The following NFIA variants were observed in gnomAD, a reference collection of about 807,000 sequenced individuals.
NFIA encodes the protein nuclear factor 1 A-type.
NFIA carries 8 observed loss-of-function variants against 62.8 expected under a neutral mutation model. The ratio of observed to expected loss-of-function variants is 0.13; its 90% CI spans 0.07 to 0.23. NFIA has a LOEUF of 0.23. NFIA is among the 10% of genes least tolerant of loss of function. The pLI is 1.00. For missense variants in NFIA, 410 were observed against 642.1 expected, an observed-to-expected ratio of 0.64 and a Z score of 3.91; for synonymous variants, 235 against 238.1, an observed-to-expected ratio of 0.99 and a Z score of 0.12.
At chr1:61,285,375 T>G (rs1346222535) in intron 3 of NFIA, among the ~76,000 whole-genome samples, 3 of 152,212 alleles carry the variant, frequency 2.0e-5, no homozygotes, top group African/African-American at 7.2e-5. Flanking sequence ...AATGTGAATT[T>G]GTTGTTTTTA....
chr1:61,234,837 A>G (rs1654893894), intron 2 of NFIA, among the ~76,000 whole-genome samples: 1 of 152,298 alleles, frequency 6.6e-6, no homozygotes, highest in Middle Eastern at 3.4e-3. Context: ...AATTAAAAAT[A>G]CAGTTTATGT....
intron 3 of NFIA, among the ~76,000 whole-genome samples, chr1:61,297,534 A>C (rs75404365): frequency 2.0e-5 from 3 of 152,348 alleles, no homozygotes; most frequent in African/African-American, 7.2e-5. Flanking sequence ...TCCTTTGAGA[A>C]TAGTCCTTTC....
chr1:61,296,009 C>A (rs995444597), intron 3 of NFIA, among the ~76,000 whole-genome samples: 6 of 152,214 alleles, frequency 3.9e-5, no homozygotes, highest in Non-Finnish European at 8.8e-5. Flanking sequence ...ACATTCAGCA[C>A]ACCAGTGCAC....
intron 2 of NFIA, among the ~76,000 whole-genome samples, chr1:61,219,898 G>T (rs895932148): frequency 1.3e-5 from 2 of 152,148 alleles, no homozygotes; most frequent in East Asian, 3.9e-4. Context: ...GGGAGGCAGA[G>T]GTTGCAGTGA....
chr1:61,345,693 C>G (rs1662192853), intron 4 of NFIA, among the ~76,000 whole-genome samples: 1 of 152,150 alleles, frequency 6.6e-6, no homozygotes, highest in Non-Finnish European at 1.5e-5. Flanking sequence ...TGCGAAGGAC[C>G]TGGGTTGCAG....
intron 2 of NFIA, among the ~76,000 whole-genome samples, chr1:61,228,646 T>G (rs558051009): frequency 5.9e-5 from 9 of 152,278 alleles, no homozygotes; most frequent in African/African-American, 1.7e-4. Context: ...ATTCATTTTG[T>G]TTTTTTCTGG....
At chr1:61,362,663 A>C (rs1243455451) in intron 6 of NFIA, among the ~76,000 whole-genome samples, 2 of 152,196 alleles carry the variant, frequency 1.3e-5, no homozygotes, top group Admixed American at 6.5e-5. Flanking sequence ...CACAGCTCTT[A>C]TTATCTGGGA....
chr1:61,190,973 C>G (rs146820006), intron 2 of NFIA, among the ~76,000 whole-genome samples: 194 of 151,598 alleles, frequency 1.3e-3, no homozygotes, highest in Admixed American at 3.1e-3. Flanking sequence ...TTTCCAAGAC[C>G]AGACATGGGT....
At chr1:61,196,949 G>A (rs917953812) in intron 2 of NFIA, among the ~76,000 whole-genome samples, 8 of 150,394 alleles carry the variant, frequency 5.3e-5, no homozygotes, top group East Asian at 3.9e-4. Context: ...GTGCGCGCGC[G>A]CGCTGTGTGT....
chr1:61,355,808 C>G (rs2103882), intron 5 of NFIA, among the ~76,000 whole-genome samples: 133,040 of 152,176 alleles, frequency 0.87, 58,181 homozygotes, highest in East Asian at 0.94. Flanking sequence ...GGTGGTCTCT[C>G]AACTCCTGGC....
At chr1:61,322,486 G>T (rs1277064587) in intron 3 of NFIA, among the ~76,000 whole-genome samples, 1 of 152,084 alleles carries the variant, frequency 6.6e-6, no homozygotes, top group Non-Finnish European at 1.5e-5. Flanking sequence ...GTGCCTGCAT[G>T]GTAGAAAGTG....
intron 10 of NFIA, among the ~76,000 whole-genome samples, chr1:61,443,219 C>A (rs181621962): frequency 1.7e-4 from 26 of 152,240 alleles, no homozygotes; most frequent in African/African-American, 6.0e-4. Context: ...TTTCTGTCTT[C>A]CGCCAGACAG....
At chr1:61,237,996 T>C (rs1655106635) in intron 2 of NFIA, among the ~76,000 whole-genome samples, 1 of 152,232 alleles carries the variant, frequency 6.6e-6, no homozygotes, top group South Asian at 2.1e-4. Context: ...CTAATAATTC[T>C]TTGTATGTAC....
At chr1:61,097,043 T>C (rs1012512428) in intron 2 of NFIA, among the ~76,000 whole-genome samples, 2 of 152,180 alleles carry the variant, frequency 1.3e-5, no homozygotes, top group African/African-American at 4.8e-5. Flanking sequence ...GAAAATAAAA[T>C]AGCTTTCTTT....
At chr1:61,441,331 G>GTGTGTCTGTCTGTCTGTC (rs1360188951) in intron 10 of NFIA, among the ~76,000 whole-genome samples, 1 of 142,346 alleles carries the variant, frequency 7.0e-6, no homozygotes, top group Admixed American at 7.0e-5. Context: ...GTGTGTGTGT[G>GTGTGTCTGTCTGTCTGTC]TGTCTGTCTG....
At chr1:61,181,792 T>C (rs544154448) in intron 2 of NFIA, among the ~76,000 whole-genome samples, 2 of 152,342 alleles carry the variant, frequency 1.3e-5, no homozygotes, top group South Asian at 4.1e-4. Context: ...AGTATTTTTA[T>C]TTCCATAGAA....
chr1:61,454,783 A>G (rs756091510), intron 10 of NFIA, among the ~76,000 whole-genome samples: 51 of 152,150 alleles, frequency 3.4e-4, no homozygotes, highest in Non-Finnish European at 5.3e-4. Flanking sequence ...GCCTGTTAGG[A>G]GAGTGTCACA....
At chr1:61,182,980 T>A (rs1243722471) in intron 2 of NFIA, among the ~76,000 whole-genome samples, 1 of 152,206 alleles carries the variant, frequency 6.6e-6, no homozygotes, top group African/African-American at 2.4e-5. Flanking sequence ...CCAAAAAGAT[T>A]TTTTTCAAGA....
chr1:61,151,244 C>T (rs980792169), intron 2 of NFIA, among the ~76,000 whole-genome samples: 15 of 152,058 alleles, frequency 9.9e-5, no homozygotes. Flanking sequence ...AGTCTCCACT[C>T]CGTTGCCCAG....
Sources: gnomAD v4.1 joint callset for allele counts (sites outside exome capture counted in the v4.1 genomes callset) on GRCh38, gnomAD v4.1.1 for gene constraint, MANE v1.5 for transcripts, NCBI Gene and HGNC (gene_info 2026-07-23, HGNC 2026-07-21) for gene names.